PIAS2: variants seen among roughly 807,000 people sequenced by gnomAD.
The protein encoded by PIAS2 is protein inhibitor of activated STAT 2, also known as E3 SUMO-protein ligase PIAS2.
PIAS2 carries 19 observed loss-of-function variants against 69.7 expected under a neutral mutation model. The ratio of observed to expected loss-of-function variants is 0.27; its 90% CI spans 0.19 to 0.40. PIAS2 has a LOEUF of 0.40. PIAS2 is among the 10% of genes least tolerant of loss of function. The pLI is 1.00. For missense variants in PIAS2, 624 were observed against 757.0 expected, an observed-to-expected ratio of 0.82 and a Z score of 2.06; for synonymous variants, 261 against 263.2, an observed-to-expected ratio of 0.99 and a Z score of 0.08.
chr18:46,824,149 C>T (rs551102116), intron 11 of PIAS2, among the ~76,000 whole-genome samples: 1 of 152,288 alleles, frequency 6.6e-6, no homozygotes, highest in African/African-American at 2.4e-5. Context: ...TGCTAGAATG[C>T]TGCTATATAG....
At chr18:46,915,225 T>C (rs1227843147) in intron 1 of PIAS2, 4 of 152,146 alleles carry the variant, frequency 2.6e-5, no homozygotes, top group South Asian at 4.2e-4. Context: ...CTTGAAAAAA[T>C]TGTGAGAATT....
chr18:46,890,453 A>G (rs2053902760), intron 2 of PIAS2, 127 bp downstream of exon 2: 2 of 625,088 alleles, frequency 3.2e-6, no homozygotes, highest in Non-Finnish European at 5.5e-6. Flanking sequence ...TTTTATCCGT[A>G]TATTCAAACA....
chr18:46,873,987 A>G (rs1299576429), intron 2 of PIAS2, among the ~76,000 whole-genome samples: 1 of 152,184 alleles, frequency 6.6e-6, no homozygotes, highest in Non-Finnish European at 1.5e-5. Flanking sequence ...TACCAGATCA[A>G]AGAGAAATGC....
chr18:46,814,985 AT>A (rs1568336228), intron 13 of PIAS2, among the ~76,000 whole-genome samples: 1 of 152,242 alleles, frequency 6.6e-6, no homozygotes, highest in Non-Finnish European at 1.5e-5. Flanking sequence ...TAGCTAAAAA[AT>A]AAAACTGTAT....
chr18:46,888,270 G>A (rs1454026925), intron 2 of PIAS2, among the ~76,000 whole-genome samples: 1 of 151,500 alleles, frequency 6.6e-6, no homozygotes, highest in Non-Finnish European at 1.5e-5. Context: ...TTCCCCATCA[G>A]CCTATGTGGG....
At position 46,844,619 on chromosome 18, in the gene PIAS2, C is replaced by T. The variant is rs1410051405; in HGVS notation, c.967+115G>A. The T allele has an allele frequency of 5.9e-5, 24 of 407,240 alleles. No individual in the cohort carries two copies. The East Asian group carries it at 7.6e-4, about 13-fold the overall frequency. The allele number at this position is 407,240 out of a possible 1,614,324, so 25.2% of individuals were successfully genotyped here. A position where few individuals can be genotyped will look rare whatever the true frequency, so the allele number is the denominator to read the frequency against. The stretch of plus-strand genomic sequence containing the variant: ...GTATATAAATTAGTATATACACAAG[C>T]TAACAAATATATACTAATATATTGA... On this transcript the variant is annotated intron_variant, in intron 7 of 13. Transcript: ENST00000585916.
In PIAS2 at chr18:46,855,326, T is replaced by C. The variant is rs1272697517; in HGVS notation, c.726+19A>G. On this transcript the variant is annotated intron_variant, in intron 5 of 13. Transcript: ENST00000585916. ...ATATTAAACTTATATGCAAATCTGGTGAATAAAAAGCAACTTACAGGCAAA... is the reference window on the plus strand; with the variant it reads ...ATATTAAACTTATATGCAAATCTGGCGAATAAAAAGCAACTTACAGGCAAA... 1 of 1,512,578 alleles carries C rather than the reference T, an allele frequency of 6.6e-7. No individual in the cohort carries two copies. Among genetic ancestry groups the C allele is most frequent in the Non-Finnish European group, 9.1e-7 (1 of 1,097,742 alleles). The allele number at this position is 1,512,578 out of a possible 1,614,324, so 93.7% of individuals were successfully genotyped here.
At chr18:46,880,540 C>T (rs75979881) in intron 2 of PIAS2, among the ~76,000 whole-genome samples, 1 of 152,102 alleles carries the variant, frequency 6.6e-6, no homozygotes, top group Admixed American at 6.6e-5. Flanking sequence ...AATGATCATG[C>T]CTGTGAATAA....
rs147421189 is a variant in PIAS2 at position 46,862,501 on chromosome 18, T to A, written c.584+1663A>T. 2.0e-5 allele frequency among the ~76,000 whole-genome samples: 3 copies of A among 152,248 alleles called. No individual in the cohort carries two copies. In the East Asian group the frequency reaches 5.8e-4, roughly 29 times the overall value. Reference sequence around the variant, plus strand: ...CAATTCCTTGCTCTGCTTTTAACATTACAGCCCCCCAAAAATCATTAACCT... The same window carrying A: ...CAATTCCTTGCTCTGCTTTTAACATAACAGCCCCCCAAAAATCATTAACCT... On this transcript the variant is annotated intron_variant, in intron 3 of 13. Transcript: ENST00000585916.
intron 3 of PIAS2, 87 bp downstream of exon 3, chr18:46,864,077 T>C: frequency 1.4e-6 from 1 of 727,012 alleles, no homozygotes; most frequent in Non-Finnish European, 2.3e-6. Context: ...TTGTTTACAC[T>C]GTCCAGTCTG....
At chr18:46,902,725 A>T (rs2056073430) in intron 1 of PIAS2, among the ~76,000 whole-genome samples, 1 of 152,242 alleles carries the variant, frequency 6.6e-6, no homozygotes, top group African/African-American at 2.4e-5. Context: ...TTATTCTAAA[A>T]TGTATATGAA....
intron 12 of PIAS2, chr18:46,817,508 T>C: frequency 1.1e-6 from 1 of 945,158 alleles, no homozygotes; most frequent in Non-Finnish European, 1.3e-6. Flanking sequence ...TAATTCTCTT[T>C]GATGATTTCA....
intron 2 of PIAS2, among the ~76,000 whole-genome samples, chr18:46,867,804 C>G (rs2049720363): frequency 6.6e-6 from 1 of 152,186 alleles, no homozygotes; most frequent in Non-Finnish European, 1.5e-5. Flanking sequence ...ATCTGAATGG[C>G]CTTTTGTAAT....
chr18:46,813,680 G>C (rs903654684), intron 13 of PIAS2, among the ~76,000 whole-genome samples: 1 of 152,128 alleles, frequency 6.6e-6, no homozygotes, highest in East Asian at 1.9e-4. Flanking sequence ...TTCCAAGGCC[G>C]GTGAATAAAA....
At chr18:46,872,368 G>T (rs1366077722) in intron 2 of PIAS2, among the ~76,000 whole-genome samples, 1 of 152,232 alleles carries the variant, frequency 6.6e-6, no homozygotes, top group Non-Finnish European at 1.5e-5. Flanking sequence ...TGAATGGGAA[G>T]ATCCTCATTC....
At chr18:46,908,834 C>T (rs1395020482) in intron 1 of PIAS2, among the ~76,000 whole-genome samples, 1 of 152,072 alleles carries the variant, frequency 6.6e-6, no homozygotes, top group Admixed American at 6.5e-5. Flanking sequence ...CATGGTGAAA[C>T]CCCGTCTCTA....
At chr18:46,872,951 C>T (rs916606120) in intron 2 of PIAS2, among the ~76,000 whole-genome samples, 2 of 152,172 alleles carry the variant, frequency 1.3e-5, no homozygotes, top group Admixed American at 6.5e-5. Context: ...AAAACCATTT[C>T]ACCTTTTCAT....
intron 9 of PIAS2, chr18:46,836,116 C>T: frequency 3.0e-6 from 1 of 331,034 alleles, no homozygotes; most frequent in Non-Finnish European, 5.6e-6. Context: ...AAAATATAAT[C>T]TTGGAAAGCA....
chr18:46,837,985 G>A lies in PIAS2; in HGVS notation c.1042-1468C>T, dbSNP rs192157759. ...ATGAATGGACATGGACTGGAAATGG[G>A]GAAAAGAACAAACAGGAAACGAAGA... is the stretch of plus-strand genomic sequence containing the variant. On this transcript the variant is annotated intron_variant, in intron 8 of 13. Transcript: ENST00000585916. Among the ~76,000 whole-genome samples the A allele has an allele frequency of 1.1e-3, 171 of 152,268 alleles. 1 individual carries two copies. Among genetic ancestry groups the A allele is most frequent in the African/African-American group, 3.9e-3 (162 of 41,556 alleles).
Sources: gnomAD v4.1 joint callset for allele counts (sites outside exome capture counted in the v4.1 genomes callset) on GRCh38, gnomAD v4.1.1 for gene constraint, MANE v1.5 for transcripts, NCBI Gene and HGNC (gene_info 2026-07-23, HGNC 2026-07-21) for gene names.